CCND3: variants seen among roughly 807,000 people sequenced by gnomAD.
The protein encoded by CCND3 is G1/S-specific cyclin-D3.
Under a neutral mutation model 28.7 loss-of-function variants are expected in CCND3, and 9 were observed. The ratio of observed to expected loss-of-function variants is 0.31; its 90% CI spans 0.19 to 0.55. The LOEUF (loss-of-function observed/expected upper bound fraction) is 0.55, where lower values mean the gene tolerates loss of function less well. Among genes scored for constraint, CCND3 ranks in the 20% least tolerant of loss-of-function variants. The pLI is 0.93. For missense variants in CCND3, 315 were observed against 385.8 expected (o/e 0.82, Z 1.54); for synonymous variants, 164 against 163.9 (o/e 1.00, Z 0.00).
At chr6:42,009,921 C>T (rs141746307) in intron 1 of CCND3, among the ~76,000 whole-genome samples, 2 of 152,272 alleles carry the variant, frequency 1.3e-5, no homozygotes, top group East Asian at 3.9e-4. Context: ...GATTGTTGGG[C>T]CCCACTTAGT....
At chr6:41,996,142 T>A (rs35144436) in intron 1 of CCND3, among the ~76,000 whole-genome samples, 4,281 of 52,942 alleles carry the variant, frequency 0.081, 95 homozygotes, top group East Asian at 0.12. Context: ...ATATATATTT[T>A]TTTTGTTTGT....
At chr6:42,016,228 C>T (rs1763504910) in intron 1 of CCND3, among the ~76,000 whole-genome samples, 1 of 152,176 alleles carries the variant, frequency 6.6e-6, no homozygotes, top group African/African-American at 2.4e-5. Flanking sequence ...AGCCACTGCG[C>T]CCAGCCACAG....
At chr6:41,994,718 A>G (rs543205429) in intron 1 of CCND3, among the ~76,000 whole-genome samples, 6 of 152,218 alleles carry the variant, frequency 3.9e-5, no homozygotes, top group African/African-American at 1.4e-4. Flanking sequence ...TGGCGTAGGA[A>G]TTATATGGGA....
Position 42,025,639 on chromosome 6 carries a change from C to A in CCND3, c.-46+22862G>T, listed in dbSNP as rs950692985. Among the ~76,000 whole-genome samples the A allele has an allele frequency of 3.9e-5, 6 of 152,338 alleles. No individual in the cohort carries two copies. The East Asian group carries it at 1.2e-3, about 29-fold the overall frequency. ...CGGCACTCTGGCCCATCCTGCACCC[C>A]GGCCGCCCCACGATGGCGGGCTCAG... is the stretch of plus-strand genomic sequence containing the variant. On this transcript the variant is annotated intron_variant, in intron 1 of 4. Coordinates refer to the CCND3 transcript ENST00000372988.
intron 1 of CCND3, among the ~76,000 whole-genome samples, chr6:41,985,872 G>A (rs55638993): frequency 0.83 from 3,186 of 3,816 alleles, 1,495 homozygotes; most frequent in Middle Eastern, 1. Context: ...CTCGTGATCC[G>A]CCCGCCTCGG....
At chr6:42,030,298 T>TA (rs1243855242) in intron 1 of CCND3, 7 of 152,232 alleles carry the variant, frequency 4.6e-5, no homozygotes, top group Non-Finnish European at 7.3e-5. Flanking sequence ...TCTTAAATTT[T>TA]AAATCCCAGG....
rs1166769287 is a variant in CCND3 at position 41,954,256 on chromosome 6, A to T, written c.-45-13671T>A. 4.6e-4 allele frequency among the ~76,000 whole-genome samples: 41 copies of T among 88,634 alleles called. 1 individual carries two copies. In the East Asian group the frequency reaches 0.019, roughly 42 times the overall value. 58.1% of individuals were successfully genotyped at this position (88,634 alleles called of 152,430 possible). ...ACAGAGCAAGATTCTGCCTTAAAAAAAAAAAAAAAAAAAAAAAAAGGTGTG... is the reference window on the plus strand; with the variant it reads ...ACAGAGCAAGATTCTGCCTTAAAAATAAAAAAAAAAAAAAAAAAAGGTGTG... On this transcript the variant is annotated intron_variant, in intron 1 of 4. Transcript: ENST00000372988.
chr6:41,960,874 A>G (rs1306852143), intron 1 of CCND3, among the ~76,000 whole-genome samples: 1 of 152,174 alleles, frequency 6.6e-6, no homozygotes, highest in Non-Finnish European at 1.5e-5. Flanking sequence ...CTGTTCAGTC[A>G]TTCAATCCCC....
chr6:42,019,902 T>C (rs1016926238), intron 1 of CCND3, among the ~76,000 whole-genome samples: 2 of 152,166 alleles, frequency 1.3e-5, no homozygotes, highest in African/African-American at 4.8e-5. Flanking sequence ...TGTCTTTGGG[T>C]GATAAGAACT....
rs2127392642 is a variant in CCND3 at position 41,939,200 on chromosome 6, G to A, written c.414+1170C>T. Reference sequence around the variant, plus strand: ...CTCCCATCTCTGAGCTACTTGGCAGGAAGAGGAATCCTGTTCCTCGACTCA... The same window carrying A: ...CTCCCATCTCTGAGCTACTTGGCAGAAAGAGGAATCCTGTTCCTCGACTCA... On this transcript the variant is annotated intron_variant, in intron 2 of 4. Coordinates refer to ENST00000372991, the MANE Select transcript of CCND3 (RefSeq NM_001760.5). This position sits in a 1 kb window ranked among gnomAD's most constrained non-coding sequence, Gnocchi z 4.2. Among the ~76,000 whole-genome samples the A allele has an allele frequency of 6.6e-6, 1 of 152,256 alleles. No individual in the cohort carries two copies. Among genetic ancestry groups the A allele is most frequent in the Non-Finnish European group, 1.5e-5 (1 of 68,006 alleles).
chr6:42,025,294 G>A (rs1763842590), intron 1 of CCND3, among the ~76,000 whole-genome samples: 1 of 152,176 alleles, frequency 6.6e-6, no homozygotes, highest in Non-Finnish European at 1.5e-5. Flanking sequence ...AAGCCCCAGG[G>A]AGAAGTCTGA....
At chr6:41,985,359 G>A in intron 1 of CCND3, among the ~76,000 whole-genome samples, 1 of 122,828 alleles carries the variant, frequency 8.1e-6, no homozygotes, top group Non-Finnish European at 1.6e-5. Flanking sequence ...TGTTGCCCAG[G>A]CTGGAGTGCA....
intron 1 of CCND3, among the ~76,000 whole-genome samples, chr6:41,962,169 C>T (rs113485537): frequency 1.1e-4 from 17 of 152,134 alleles, no homozygotes; most frequent in African/African-American, 1.4e-4. Flanking sequence ...GGCACGATAT[C>T]GGCTCACTGC....
At chr6:41,963,106 T>C (rs1026184746) in intron 1 of CCND3, among the ~76,000 whole-genome samples, 11 of 152,194 alleles carry the variant, frequency 7.2e-5, no homozygotes, top group Admixed American at 6.5e-4. Flanking sequence ...CGTCCAGCCT[T>C]ATCTTTGCTT....
At chr6:41,943,912 A>G (rs1776104207), upstream of CCND3, among the ~76,000 whole-genome samples, 1 of 152,188 alleles carries the variant, frequency 6.6e-6, no homozygotes, top group Non-Finnish European at 1.5e-5. Flanking sequence ...TTATTGACTT[A>G]TAAGTTCTCA....
chr6:42,034,445 C>T lies in CCND3; in HGVS notation c.-46+14056G>A, dbSNP rs567345390. 1.0e-4 allele frequency among the ~76,000 whole-genome samples: 15 copies of T among 143,940 alleles called. No individual in the cohort carries two copies. The East Asian group carries it at 1.9e-3, about 18-fold the overall frequency. The allele number at this position is 143,940 out of a possible 152,430, so 94.4% of individuals were successfully genotyped here. On this transcript the variant is annotated intron_variant, in intron 1 of 4. Transcript: ENST00000372988. ...TTATGGGATTACAGGCGTGAGCCAC[C>T]GTGCCTGGCCAACCCTGTCACTCTT...
chr6:41,962,459 C>T (rs1200690907), intron 1 of CCND3, among the ~76,000 whole-genome samples: 5 of 152,054 alleles, frequency 3.3e-5, no homozygotes, highest in African/African-American at 7.2e-5. Flanking sequence ...CTCCCCAAAA[C>T]CTTAAAACCA....
chr6:42,049,452 A>C (rs1165746057), upstream of CCND3, among the ~76,000 whole-genome samples: 1 of 152,238 alleles, frequency 6.6e-6, no homozygotes, highest in Non-Finnish European at 1.5e-5. Flanking sequence ...GATTAAGGTC[A>C]AGTGCCCGAA....
chr6:41,961,202 G>A (rs1393350508), intron 1 of CCND3, among the ~76,000 whole-genome samples: 1 of 152,198 alleles, frequency 6.6e-6, no homozygotes, highest in Non-Finnish European at 1.5e-5. Context: ...GGCCGAGCGT[G>A]GTGGCTCACG....
Sources: gnomAD v4.1 joint callset for allele counts (sites outside exome capture counted in the v4.1 genomes callset) on GRCh38, gnomAD v4.1.1 for gene constraint, Gnocchi (gnomAD v3.1) non-coding constraint, MANE v1.5 for transcripts, NCBI Gene and HGNC (gene_info 2026-07-23, HGNC 2026-07-21) for gene names.